Variants in TRDN observed in about 807,000 individuals in gnomAD.
The protein encoded by TRDN is triadin in skeletal muscle.
A neutral mutation model predicts 149.7 loss-of-function variants in TRDN; 161 were observed. The observed-to-expected ratio is 1.08, with a 90% CI of 0.95 to 1.23. The LOEUF is 1.23. Ranked by LOEUF, TRDN falls within the 50% of genes most tolerant of loss-of-function variation. The probability of loss-of-function intolerance (pLI) is 0.00; values close to 1 mark genes in which losing one functional copy is unlikely to be tolerated. For missense variants in TRDN, 896 were observed against 823.5 expected, an observed-to-expected ratio of 1.09 and a Z score of -1.08; for synonymous variants, 294 against 250.5, an observed-to-expected ratio of 1.17 and a Z score of -1.64.
intron 24 of TRDN, among the ~76,000 whole-genome samples, chr6:123,285,330 T>C (rs1270132565): frequency 6.6e-6 from 1 of 152,068 alleles, no homozygotes; most frequent in East Asian, 1.9e-4. Context: ...GTGGTACTGG[T>C]ATAAAAATAG....
chr6:123,226,161 C>T (rs1236917353), intron 38 of TRDN, among the ~76,000 whole-genome samples: 2 of 151,676 alleles, frequency 1.3e-5, no homozygotes, highest in African/African-American at 4.8e-5. Flanking sequence ...ATAGGTTTAA[C>T]TCAATTAAAT....
intron 5 of TRDN, among the ~76,000 whole-genome samples, chr6:123,526,971 C>A (rs1197545509): frequency 6.6e-6 from 1 of 151,916 alleles, no homozygotes; most frequent in African/African-American, 2.4e-5. Context: ...TTTACAAGTA[C>A]ATTTCATAAT....
intron 12 of TRDN, among the ~76,000 whole-genome samples, chr6:123,426,106 C>T (rs1170823582): frequency 6.6e-6 from 1 of 152,070 alleles, no homozygotes; most frequent in Non-Finnish European, 1.5e-5. Flanking sequence ...ATTGAAACCA[C>T]TGTATTGCAT....
At chr6:123,299,491 G>T (rs548052921) in intron 24 of TRDN, among the ~76,000 whole-genome samples, 28 of 152,032 alleles carry the variant, frequency 1.8e-4, no homozygotes, top group African/African-American at 6.3e-4. Context: ...AAATAGTCCT[G>T]TTTTTCTTTC....
intron 1 of TRDN, among the ~76,000 whole-genome samples, chr6:123,627,221 G>A (rs1397773111): frequency 6.6e-6 from 1 of 152,038 alleles, no homozygotes; most frequent in Admixed American, 6.6e-5. Context: ...GAGCCACCGA[G>A]CCTGGCCCAC....
At chr6:123,315,207 A>C (rs1479721399) in intron 24 of TRDN, among the ~76,000 whole-genome samples, 3 of 151,930 alleles carry the variant, frequency 2.0e-5, no homozygotes, top group Non-Finnish European at 4.4e-5. Context: ...AAATGCTAAC[A>C]ATAATAAAGC....
chr6:123,464,184 T>G, intron 10 of TRDN: 21 of 859,798 alleles, frequency 2.4e-5, no homozygotes, highest in Non-Finnish European at 2.8e-5. Flanking sequence ...GGACAATATC[T>G]GAAATGATCC....
intron 5 of TRDN, among the ~76,000 whole-genome samples, chr6:123,516,532 GC>G (rs1363059222): frequency 6.6e-6 from 1 of 151,992 alleles, no homozygotes; most frequent in Non-Finnish European, 1.5e-5. Flanking sequence ...TGCCAAAGGA[GC>G]CCGGCTTTGA....
In TRDN at chr6:123,325,466, G is replaced by A. The variant is rs145779758; in HGVS notation, c.1471+6413C>T. Reference sequence around the variant, plus strand: ...ATTTTACTGAAAGTTCTAATATTTCGTAGAGGAGGACAATGACATGAGTGA... The same window carrying A: ...ATTTTACTGAAAGTTCTAATATTTCATAGAGGAGGACAATGACATGAGTGA... On this transcript the variant is annotated intron_variant, in intron 23 of 40. Coordinates refer to ENST00000334268, the MANE Select transcript of TRDN (RefSeq NM_006073.4). Among the ~76,000 whole-genome samples, 485 of 152,164 alleles carry A rather than the reference G, an allele frequency of 3.2e-3. 2 individuals carry two copies. In the South Asian group the frequency reaches 0.036, roughly 11 times the overall value.
rs188710829 is a variant in TRDN, at chr6:123,305,337, A to G, written c.1510+11120T>C. 1.3e-3 allele frequency among the ~76,000 whole-genome samples: 195 copies of G among 152,266 alleles called. 2 individuals are homozygous for G. In the Middle Eastern group the frequency reaches 0.014, roughly 11 times the overall value. On this transcript the variant is annotated intron_variant, in intron 24 of 40. Coordinates refer to ENST00000334268, the MANE Select transcript of TRDN (RefSeq NM_006073.4). ...TCAATTAAAAACATGTTTACAAAGA[A>G]AAGCTATAATACACCTGTTATTAGA...
At chr6:123,382,181 G>A in intron 14 of TRDN, 34 bp from the exon 15 acceptor site, 2 of 1,430,932 alleles carry the variant, frequency 1.4e-6, no homozygotes, top group Non-Finnish European at 1.9e-6. Flanking sequence ...TAATAAAACA[G>A]ATACAATAAA....
At chr6:123,313,789 A>T (rs1778920130) in intron 24 of TRDN, among the ~76,000 whole-genome samples, 1 of 152,078 alleles carries the variant, frequency 6.6e-6, no homozygotes, top group Admixed American at 6.6e-5. Context: ...ATAACTGGCT[A>T]GCCATATGCA....
chr6:123,478,787 A>G (rs781214952), intron 9 of TRDN, among the ~76,000 whole-genome samples: 1 of 152,194 alleles, frequency 6.6e-6, no homozygotes, highest in Non-Finnish European at 1.5e-5. Flanking sequence ...GGCTAATTTC[A>G]GTCAATCCTC....
chr6:123,298,785 C>A (rs977716177), intron 24 of TRDN, among the ~76,000 whole-genome samples: 2 of 152,066 alleles, frequency 1.3e-5, no homozygotes, highest in Non-Finnish European at 2.9e-5. Context: ...AATTACTCTG[C>A]AGCCCTTTAC....
At chr6:123,382,928 TTTTA>T (rs1781775082) in intron 14 of TRDN, among the ~76,000 whole-genome samples, 1 of 152,088 alleles carries the variant, frequency 6.6e-6, no homozygotes, top group South Asian at 2.1e-4. Flanking sequence ...GCTTAGAATA[TTTTA>T]TTTTTTAATC....
At chr6:123,506,318 T>A (rs1384481531) in intron 7 of TRDN, among the ~76,000 whole-genome samples, 1 of 152,170 alleles carries the variant, frequency 6.6e-6, no homozygotes, top group Non-Finnish European at 1.5e-5. Context: ...TCCTCCTATC[T>A]CCCATGTTAC....
intron 27 of TRDN, among the ~76,000 whole-genome samples, chr6:123,273,564 A>T (rs1233002365): frequency 6.6e-6 from 1 of 152,036 alleles, no homozygotes; most frequent in Non-Finnish European, 1.5e-5. Context: ...CAGCAGATAA[A>T]TATAATCAGG....
At chr6:123,568,193 TG>T (rs1782386450) in intron 2 of TRDN, among the ~76,000 whole-genome samples, 1 of 152,098 alleles carries the variant, frequency 6.6e-6, no homozygotes, top group South Asian at 2.1e-4. Flanking sequence ...TCCCATAACC[TG>T]GGAACACTGA....
chr6:123,386,759 T>C (rs2114437345), intron 14 of TRDN, among the ~76,000 whole-genome samples: 1 of 152,310 alleles, frequency 6.6e-6, no homozygotes, highest in South Asian at 2.1e-4. Flanking sequence ...CAATGACGTG[T>C]CCCCAACTTG....
Sources: gnomAD v4.1 joint callset for allele counts (sites outside exome capture counted in the v4.1 genomes callset) on GRCh38, gnomAD v4.1.1 for gene constraint, MANE v1.5 for transcripts, NCBI Gene and HGNC (gene_info 2026-07-23, HGNC 2026-07-21) for gene names.